The following CCDC149 variants were observed in gnomAD, a reference collection of about 807,000 sequenced individuals.
The protein encoded by CCDC149 is coiled-coil domain-containing protein 149.
In CCDC149, 45 loss-of-function variants were observed where a neutral mutation model predicts 59.9. The observed-to-expected ratio is 0.75, with a 90% confidence interval of 0.59 to 0.96. The LOEUF is 0.96. Among genes scored for constraint, CCDC149 ranks in the 40% least tolerant of loss-of-function variants. The pLI, the probability that CCDC149 is intolerant of heterozygous loss-of-function variation, is 0.00. For missense variants in CCDC149, 584 were observed against 664.7 expected (o/e 0.88, Z 1.33); for synonymous variants, 245 against 260.6 (o/e 0.94, Z 0.58).
chr4:24,975,205 T>A (rs1474433144), intron 1 of CCDC149, among the ~76,000 whole-genome samples: 1 of 151,246 alleles, frequency 6.6e-6, no homozygotes, highest in Non-Finnish European at 1.5e-5. Context: ...AATTACCCAA[T>A]CTCAGGTATT....
intron 3 of CCDC149, among the ~76,000 whole-genome samples, chr4:24,863,405 G>T (rs576766770): frequency 6.6e-5 from 10 of 152,336 alleles, no homozygotes; most frequent in Admixed American, 5.9e-4. Flanking sequence ...TTTCACCTGT[G>T]TCCTTAAATA....
At chr4:24,835,270 C>T (rs1215140429) in intron 7 of CCDC149, among the ~76,000 whole-genome samples, 2 of 152,028 alleles carry the variant, frequency 1.3e-5, no homozygotes, top group East Asian at 1.9e-4. Context: ...AATTACAGTC[C>T]CCTGTATACA....
intron 1 of CCDC149, among the ~76,000 whole-genome samples, chr4:24,978,896 C>T (rs529582709): frequency 1.3e-3 from 201 of 152,350 alleles, no homozygotes; most frequent in Non-Finnish European, 2.4e-3. Flanking sequence ...AATAGGATGA[C>T]ATCTGTGGCT....
Position 24,822,481 on chromosome 4 carries a change from A to C in CCDC149, c.1042+16T>G. 4 of 1,464,308 alleles carry C rather than the reference A, an allele frequency of 2.7e-6. No homozygotes were observed. Among genetic ancestry groups the C allele is most frequent in the Non-Finnish European group, 2.7e-6 (3 of 1,105,576 alleles). The allele number at this position is 1,464,308 out of a possible 1,614,324, so 90.7% of individuals were successfully genotyped here. A position where few individuals can be genotyped will look rare whatever the true frequency, so the allele number is the denominator to read the frequency against. On this transcript the variant is annotated intron_variant, in intron 10 of 12. Coordinates refer to ENST00000635206, the MANE Select transcript of CCDC149 (RefSeq NM_001330643.2). ...AAAAAAAAAAAGGAAAATTGTTTTC[A>C]TGAGGTTCTGTTTACCTGGAAGACT...
chr4:24,957,313 T>A (rs1723492909), intron 1 of CCDC149, among the ~76,000 whole-genome samples: 3 of 152,284 alleles, frequency 2.0e-5, no homozygotes, highest in Admixed American at 2.0e-4. Flanking sequence ...GTAGCACAGA[T>A]CCTCATGTAA....
chr4:24,950,312 G>A (rs889333164), intron 1 of CCDC149, among the ~76,000 whole-genome samples: 4 of 152,212 alleles, frequency 2.6e-5, no homozygotes, highest in Non-Finnish European at 4.4e-5. Flanking sequence ...TCTGTGAAGG[G>A]TGATTCTAAT....
chr4:24,877,938 C>T (rs886441773), intron 1 of CCDC149, among the ~76,000 whole-genome samples: 2 of 152,112 alleles, frequency 1.3e-5, no homozygotes, highest in African/African-American at 4.8e-5. Context: ...CACTAAATAC[C>T]TTTGGAATTT....
At chr4:24,947,060 A>C (rs1447295295) in intron 1 of CCDC149, among the ~76,000 whole-genome samples, 1 of 152,186 alleles carries the variant, frequency 6.6e-6, no homozygotes, top group African/African-American at 2.4e-5. Flanking sequence ...ATATTTTTGC[A>C]ATCTTTGGAT....
chr4:24,822,993 A>T (rs1162573266), intron 9 of CCDC149: 1 of 153,484 alleles, frequency 6.5e-6, no homozygotes, highest in Non-Finnish European at 1.5e-5. Context: ...CAGGTCTAAA[A>T]AATAAGATGG....
In CCDC149 at chr4:24,976,155, T is replaced by C. The variant is rs540011283; in HGVS notation, c.-65+3914A>G. 2.6e-5 allele frequency among the ~76,000 whole-genome samples: 4 copies of C among 152,336 alleles called. No individual in the cohort carries two copies. In the East Asian group the frequency reaches 7.7e-4, roughly 29 times the overall value. The stretch of plus-strand genomic sequence containing the variant: ...GTTATTTGAGCCAATAATTACCTTT[T>C]TCCTTAAATGAGTTTAATTCTTTTT... On this transcript the variant is annotated intron_variant, in intron 1 of 12. Coordinates refer to the CCDC149 transcript ENST00000389609.
intron 1 of CCDC149, among the ~76,000 whole-genome samples, chr4:24,938,586 C>T (rs1722850879): frequency 6.6e-6 from 1 of 152,192 alleles, no homozygotes; most frequent in Non-Finnish European, 1.5e-5. Flanking sequence ...TGAGCCGAAG[C>T]AGGGCGAGGA....
intron 1 of CCDC149, among the ~76,000 whole-genome samples, chr4:24,958,222 T>C (rs1286793457): frequency 6.6e-6 from 1 of 152,210 alleles, no homozygotes; most frequent in African/African-American, 2.4e-5. Flanking sequence ...CTGCATATGG[T>C]AGCGTACCTT....
intron 1 of CCDC149, among the ~76,000 whole-genome samples, chr4:24,892,427 C>A (rs979914984): frequency 4.6e-5 from 7 of 152,140 alleles, no homozygotes; most frequent in Non-Finnish European, 7.3e-5. Context: ...TCATCATCAT[C>A]CACAATCATC....
In CCDC149 at chr4:24,853,142, C is replaced by T. The variant is rs554860823; in HGVS notation, c.302G>A (p.Arg101Gln). The change falls in exon 4 of 13, where the codon CGA becomes CAA. Residue 101 changes from arginine to glutamine, a missense_variant. Transcript: ENST00000635206. ...AATTTCTTCTCCCAGATGTTTATTT[C>T]GGTCCTGAGAATCTCTCAATAGTTG... 27 of 1,613,446 alleles carry T rather than the reference C, an allele frequency of 1.7e-5. No individual in the cohort carries two copies. The highest frequency in any genetic ancestry group is 1.3e-4 in the Admixed American group (8 of 59,982).
downstream of CCDC149, among the ~76,000 whole-genome samples, chr4:24,804,930 C>G (rs781500584): frequency 6.6e-6 from 1 of 152,114 alleles, no homozygotes; most frequent in Non-Finnish European, 1.5e-5. Flanking sequence ...CTGAGGCCAT[C>G]AGGAGCCTCC....
chr4:24,948,904 ACT>A (rs1489010874), intron 1 of CCDC149, among the ~76,000 whole-genome samples: 7 of 151,248 alleles, frequency 4.6e-5, no homozygotes, highest in Non-Finnish European at 8.8e-5. Context: ...CCCTGCACAA[ACT>A]CTCTCTTTGC....
At chr4:24,884,159 G>A (rs1527352) in intron 1 of CCDC149, among the ~76,000 whole-genome samples, 63,888 of 152,084 alleles carry the variant, frequency 0.42, 14,580 homozygotes, top group Non-Finnish European at 0.52. Context: ...CCTATAGATT[G>A]ACAGTGTCAA....
chr4:24,947,517 C>T (rs146101826), intron 1 of CCDC149, among the ~76,000 whole-genome samples: 1 of 152,088 alleles, frequency 6.6e-6, no homozygotes, highest in Non-Finnish European at 1.5e-5. Context: ...CGGACTAATA[C>T]ATGTAGAGAA....
intron 4 of CCDC149, 60 bp downstream of exon 4, chr4:24,853,012 T>C: frequency 1.9e-6 from 2 of 1,057,840 alleles, no homozygotes; most frequent in Non-Finnish European, 2.9e-6. Context: ...ATGTGCAATA[T>C]ATAAACCTCG....
Sources: gnomAD v4.1 joint callset for allele counts (sites outside exome capture counted in the v4.1 genomes callset) on GRCh38, gnomAD v4.1.1 for gene constraint, MANE v1.5 for transcripts, NCBI Gene and HGNC (gene_info 2026-07-23, HGNC 2026-07-21) for gene names.